Variants in FAHD2A observed in about 807,000 individuals in gnomAD.
FAHD2A encodes the protein oxaloacetate tautomerase FAHD2A, mitochondrial.
Under a neutral mutation model 33.4 loss-of-function variants are expected in FAHD2A, and 27 were observed. That is an observed-to-expected ratio of 0.81 (90% confidence interval 0.60 to 1.11). FAHD2A has a LOEUF of 1.11. FAHD2A is among the 50% of genes most tolerant of loss of function. The pLI, the probability that FAHD2A is intolerant of heterozygous loss-of-function variation, is 0.00. For missense variants in FAHD2A, 296 were observed against 395.0 expected (o/e 0.75, Z 2.12); for synonymous variants, 130 against 153.3 (o/e 0.85, Z 1.12).
At chr2:95,419,177 G>A (rs1218639814), downstream of FAHD2A, among the ~76,000 whole-genome samples, 1 of 152,130 alleles carries the variant, frequency 6.6e-6, no homozygotes. Context: ...AATTCCTGTT[G>A]TCTGAAGCAA....
rs1344756576 is a variant in FAHD2A at position 95,407,007 on chromosome 2, A to G, written c.312A>G (p.Arg104=). ...SEVTFLAPVT[R]PDKVVCVGMN... is the part of the protein sequence containing the mutation. ...TAACCTTCCTGGCTCCAGTCACACG[A>G]CCAGATAAGGTGGTGTGTGTGGGCA... is the stretch of plus-strand genomic sequence containing the variant. Residue 104 remains arginine, a synonymous_variant, in exon 3 of 8, where the codon CGA becomes CGG. Coordinates refer to ENST00000233379, the MANE Select transcript of FAHD2A (RefSeq NM_016044.3). 1.7e-5 allele frequency: 27 copies of G among 1,613,760 alleles called. No homozygotes were observed. Among genetic ancestry groups the G allele is most frequent in the East Asian group, 4.5e-5 (2 of 44,888 alleles).
In FAHD2A at chr2:95,413,371, C is replaced by T. The variant is rs1297248691; in HGVS notation, c.*414C>T. 5 of 1,551,452 alleles carry T rather than the reference C, an allele frequency of 3.2e-6. No homozygotes were observed. The highest frequency in any genetic ancestry group is 2.4e-4 in the Middle Eastern group (1 of 4,202). On this transcript the variant is annotated 3_prime_UTR_variant, in exon 8 of 8. Transcript: ENST00000233379. ...TATATTTATAGCTAAGGGTTTGCAG[C>T]CTCCTCTCCATCTTCTGGCTCTAGG...
In FAHD2A at chr2:95,414,202, A is replaced by G; in HGVS notation, c.*1245A>G. 3 of 1,589,836 alleles carry G rather than the reference A, an allele frequency of 1.9e-6. No individual in the cohort carries two copies. Among genetic ancestry groups the G allele is most frequent in the Non-Finnish European group, 2.6e-6 (3 of 1,169,376 alleles). ...CCGGCAGGGGGCAGCAGCCACCAGC[A>G]AACACCACTGCCTGCAGGAGCCTGG... On this transcript the variant is annotated 3_prime_UTR_variant, in exon 8 of 8. Transcript: ENST00000233379.
At position 95,410,823 on chromosome 2, in the gene FAHD2A, T is replaced by C. The variant is rs778744172; in HGVS notation, c.523-41T>C. ...TTGCCATAGGTGTTGGTGTCACCCA[T>C]GATCTAACCTCCTGTATGGCCAAAT... On this transcript the variant is annotated intron_variant, in intron 4 of 7. Transcript: ENST00000233379. The C allele has an allele frequency of 6.2e-6, 10 of 1,609,876 alleles. No individual in the cohort carries two copies. In the South Asian group the frequency reaches 1.1e-4, roughly 18 times the overall value.
rs1188614091 is a variant in FAHD2A at position 95,413,435 on chromosome 2, G to T, written c.*478G>T. 1.2e-6 allele frequency: 2 copies of T among 1,606,844 alleles called. No homozygotes were observed. Among genetic ancestry groups the T allele is most frequent in the African/African-American group, 2.7e-5 (2 of 74,434 alleles). On this transcript the variant is annotated 3_prime_UTR_variant, in exon 8 of 8. Coordinates refer to ENST00000233379, the MANE Select transcript of FAHD2A (RefSeq NM_016044.3). ...CTGGGGCTCAGAAGTCTCAGCACAGGCTCCTTCTCACAGTTCTAGCTACAA... is the reference window on the plus strand; with the variant it reads ...CTGGGGCTCAGAAGTCTCAGCACAGTCTCCTTCTCACAGTTCTAGCTACAA...
chr2:95,406,603 G>A (rs1681601114), intron 2 of FAHD2A, among the ~76,000 whole-genome samples: 1 of 152,132 alleles, frequency 6.6e-6, no homozygotes, highest in South Asian at 2.1e-4. Context: ...GCATACAAAA[G>A]GGTGGGAGAA....
At chr2:95,418,280 A>T (rs1683264074), downstream of FAHD2A, among the ~76,000 whole-genome samples, 1 of 151,712 alleles carries the variant, frequency 6.6e-6, no homozygotes, top group Admixed American at 6.6e-5. Context: ...GTAAGGAAAG[A>T]GGATGTCTTG....
chr2:95,417,703 C>G (rs1683247493), downstream of FAHD2A, among the ~76,000 whole-genome samples: 1 of 152,012 alleles, frequency 6.6e-6, no homozygotes, highest in Non-Finnish European at 1.5e-5. Flanking sequence ...GGGCCCTCTT[C>G]CTGGCTTGGA....
At chr2:95,407,290 C>T in intron 3 of FAHD2A, 133 bp downstream of exon 3, 1 of 1,331,316 alleles carries the variant, frequency 7.5e-7, no homozygotes, top group Non-Finnish European at 1.0e-6. Context: ...ATTGTACACA[C>T]AGTAGTAACA....
At chr2:95,417,452 A>G (rs536037918), downstream of FAHD2A, among the ~76,000 whole-genome samples, 6 of 152,166 alleles carry the variant, frequency 3.9e-5, no homozygotes, top group African/African-American at 1.4e-4. Context: ...GAGGCTCTCT[A>G]CCAGAGGCTT....
chr2:95,415,134 C>T lies in FAHD2A; in HGVS notation c.*2177C>T, dbSNP rs571704554. 6.6e-6 allele frequency: 1 copy of T among 152,354 alleles called. No homozygotes were observed. The highest frequency in any genetic ancestry group is 2.1e-4 in the South Asian group (1 of 4,812). The allele number at this position is 152,354 out of a possible 1,614,324, so 9.4% of individuals were successfully genotyped here. On this transcript the variant is annotated 3_prime_UTR_variant, in exon 8 of 8. Transcript: ENST00000233379. ...CCCGAAGCCCCCAAATACTGCAACC[C>T]TGACCCAATGCACGAAGCCACCCCA... is the stretch of plus-strand genomic sequence containing the variant.
chr2:95,403,815 T>A (rs1681100118), intron 1 of FAHD2A, among the ~76,000 whole-genome samples: 1 of 152,218 alleles, frequency 6.6e-6, no homozygotes, highest in Non-Finnish European at 1.5e-5. Flanking sequence ...CTTCCACAAT[T>A]GTCGAGAATT....
Position 95,404,141 on chromosome 2 carries a change from C to T in FAHD2A, c.-7+1269C>T, listed in dbSNP as rs201278222. Among the ~76,000 whole-genome samples, 39 of 152,276 alleles carry T rather than the reference C, an allele frequency of 2.6e-4. No homozygotes were observed. In the East Asian group the frequency reaches 7.5e-3, roughly 29 times the overall value. ...ACATTTTTGGGCATAGAAGGCTGTA[C>T]AATACCGCCTTTGTTGTAAGAGCAA... On this transcript the variant is annotated intron_variant, in intron 1 of 7. Transcript: ENST00000233379.
chr2:95,414,057 A>C lies in FAHD2A; in HGVS notation c.*1100A>C, dbSNP rs1432662840. On this transcript the variant is annotated 3_prime_UTR_variant, in exon 8 of 8. Transcript: ENST00000233379. ...AGTGAAGGCTCTAGGTAGGGAGGAC[A>C]GGGAGACACTGGGCACAGGCTTCTC... 1 of 1,421,050 alleles carries C rather than the reference A, an allele frequency of 7.0e-7. No homozygotes were observed. The highest frequency in any genetic ancestry group is 1.4e-5 in the African/African-American group (1 of 70,910). 88.0% of individuals were successfully genotyped at this position (1,421,050 alleles called of 1,614,324 possible).
Position 95,413,628 on chromosome 2 carries a change from A to G in FAHD2A, c.*671A>G. On this transcript the variant is annotated 3_prime_UTR_variant, in exon 8 of 8. Transcript: ENST00000233379. ...CACAGGGACTGTGTCCACATGGCCC[A>G]GGGGCCAGGCCTGTCCCCCAGAAAC... 6.8e-7 allele frequency: 1 copy of G among 1,461,400 alleles called. No homozygotes were observed. Among genetic ancestry groups the G allele is most frequent in the South Asian group, 1.4e-5 (1 of 69,402 alleles). The allele number at this position is 1,461,400 out of a possible 1,614,324, so 90.5% of individuals were successfully genotyped here. A position where few individuals can be genotyped will look rare whatever the true frequency, so the allele number is the denominator to read the frequency against.
rs978128639 is a variant in FAHD2A, at chr2:95,414,438, A to G, written c.*1481A>G. On this transcript the variant is annotated 3_prime_UTR_variant, in exon 8 of 8. Coordinates refer to ENST00000233379, the MANE Select transcript of FAHD2A (RefSeq NM_016044.3). ...TTGTGGAAGGCCTGCACCCCGTCTC[A>G]GTTCCTCCACTGCTTCGTCCCAGAT... The G allele has an allele frequency of 1.2e-5, 7 of 572,298 alleles. No homozygotes were observed. Among genetic ancestry groups the G allele is most frequent in the Non-Finnish European group, 2.2e-5 (7 of 313,504 alleles). 35.5% of individuals were successfully genotyped at this position (572,298 alleles called of 1,614,324 possible). A position where few individuals can be genotyped will look rare whatever the true frequency, so the allele number is the denominator to read the frequency against.
At chr2:95,419,498 C>G (rs1683284636), downstream of FAHD2A, among the ~76,000 whole-genome samples, 1 of 151,990 alleles carries the variant, frequency 6.6e-6, no homozygotes, top group African/African-American at 2.4e-5. Flanking sequence ...CTTTGTCATC[C>G]TGGGTGAGGT....
intron 3 of FAHD2A, among the ~76,000 whole-genome samples, chr2:95,408,150 A>AT (rs1325660084): frequency 6.6e-6 from 1 of 151,864 alleles, no homozygotes; most frequent in African/African-American, 2.4e-5. Context: ...TCTTCTAAGA[A>AT]TAAGGACAAT....
intron 3 of FAHD2A, among the ~76,000 whole-genome samples, chr2:95,408,427 G>A (rs989732480): frequency 1.3e-5 from 2 of 152,110 alleles, no homozygotes; most frequent in Non-Finnish European, 2.9e-5. Flanking sequence ...TCATGCTGCT[G>A]ATAAAGACAT....
Sources: gnomAD v4.1 joint callset for allele counts (sites outside exome capture counted in the v4.1 genomes callset) on GRCh38, gnomAD v4.1.1 for gene constraint, MANE v1.5 for transcripts, NCBI Gene and HGNC (gene_info 2026-07-23, HGNC 2026-07-21) for gene names.